PNPLA1: variants seen among roughly 807,000 people sequenced by gnomAD.
PNPLA1 encodes the protein patatin like domain 1, omega-hydroxyceramide transacylase.
In PNPLA1, 36 loss-of-function variants were observed where a neutral mutation model predicts 51.7. The ratio of observed to expected loss-of-function variants is 0.70; its 90% CI spans 0.53 to 0.92. The LOEUF (loss-of-function observed/expected upper bound fraction) is 0.92, where lower values mean the gene tolerates loss of function less well. PNPLA1 is among the 40% of genes least tolerant of loss of function. PNPLA1 has a pLI of 0.00. For missense variants in PNPLA1, 658 were observed against 682.5 expected (o/e 0.96, Z 0.40); for synonymous variants, 293 against 280.1 (o/e 1.05, Z -0.46).
At chr6:36,286,886 A>G (rs1770506031) in intron 1 of PNPLA1, among the ~76,000 whole-genome samples, 1 of 149,950 alleles carries the variant, frequency 6.7e-6, no homozygotes, top group Admixed American at 6.7e-5. Context: ...GGGTCTTGCT[A>G]TGTTGCCAGA....
chr6:36,302,251 T>C lies in PNPLA1; in HGVS notation c.1166T>C (p.Leu389Pro), dbSNP rs59882043. ...CCCAGCTCCACACCTGGTTCATCAC[T>C]GCCCACCCCACCACCTGGACTGTCA... ...KPPSSTPGSSLPTPPPGLSPL... is the reference protein window; with the variant it reads ...KPPSSTPGSSPPTPPPGLSPL... The change falls in exon 6 of 9, where the codon CTG becomes CCG. Residue 389 changes from leucine to proline, a missense_variant. Transcript: ENST00000636260. 2,618 of 1,614,146 alleles carry C rather than the reference T, an allele frequency of 1.6e-3. 35 individuals are homozygous for C. The African/African-American group carries it at 0.028, about 17-fold the overall frequency.
chr6:36,254,588 A>C (rs547589972), intron 1 of PNPLA1, among the ~76,000 whole-genome samples: 5 of 152,172 alleles, frequency 3.3e-5, no homozygotes, highest in East Asian at 3.9e-4. Context: ...CAAACAAAAA[A>C]AAAAACAAAA....
chr6:36,279,615 G>A (rs1215861687), intron 1 of PNPLA1, among the ~76,000 whole-genome samples: 1 of 152,178 alleles, frequency 6.6e-6, no homozygotes, highest in Non-Finnish European at 1.5e-5. Flanking sequence ...TTCCAACTCT[G>A]CCCCCAAGTT....
intron 1 of PNPLA1, among the ~76,000 whole-genome samples, chr6:36,255,886 G>A (rs980961523): frequency 6.6e-6 from 1 of 152,146 alleles, no homozygotes; most frequent in Non-Finnish European, 1.5e-5. Context: ...ACACTGAGGG[G>A]TCTTGCTGAA....
intron 2 of PNPLA1, among the ~76,000 whole-genome samples, chr6:36,291,790 C>T (rs1770693643): frequency 6.6e-6 from 1 of 152,228 alleles, no homozygotes; most frequent in Non-Finnish European, 1.5e-5. Flanking sequence ...TCACATCCAT[C>T]CTGCCCGGCC....
chr6:36,252,064 A>G lies in PNPLA1; in HGVS notation c.-81+8803A>G, dbSNP rs538685443. Among the ~76,000 whole-genome samples the G allele has an allele frequency of 1.5e-3, 226 of 152,328 alleles. 1 individual carries two copies. The highest frequency in any genetic ancestry group is 5.1e-3 in the African/African-American group (211 of 41,574). On this transcript the variant is annotated intron_variant, in intron 1 of 7. Transcript: ENST00000312917. ...GCAAAGGGGTGGGGAGACCCCAGGT[A>G]AGGAAGTTTGAGGCAGAACTGTCAG...
At chr6:36,263,565 A>C (rs762677331) in intron 1 of PNPLA1, among the ~76,000 whole-genome samples, 1 of 152,244 alleles carries the variant, frequency 6.6e-6, no homozygotes, top group Non-Finnish European at 1.5e-5. Flanking sequence ...TAAACACTCA[A>C]TGGGAGTGGA....
At chr6:36,306,406 T>G (rs574942304) in intron 7 of PNPLA1, 30 bp downstream of exon 7, 1 of 1,582,214 alleles carries the variant, frequency 6.3e-7, no homozygotes, top group Non-Finnish European at 8.6e-7. Flanking sequence ...AGCACGCTCT[T>G]TCCTTTGGAC....
chr6:36,311,066 G>A (rs1440797118), intron 8 of PNPLA1, among the ~76,000 whole-genome samples: 1 of 152,222 alleles, frequency 6.6e-6, no homozygotes, highest in African/African-American at 2.4e-5. Context: ...CTGCCTAGGA[G>A]CTTTTAGGAA....
chr6:36,268,864 G>T (rs188032178), upstream of PNPLA1, among the ~76,000 whole-genome samples: 1 of 152,136 alleles, frequency 6.6e-6, no homozygotes, highest in Non-Finnish European at 1.5e-5. Context: ...TCCCAGGAAG[G>T]GGGCAGGGTC....
At chr6:36,295,609 C>A (rs896026692) in intron 5 of PNPLA1, among the ~76,000 whole-genome samples, 185 bp downstream of exon 5, 3 of 152,112 alleles carry the variant, frequency 2.0e-5, no homozygotes, top group Admixed American at 1.3e-4. Context: ...ACCGCTGGGT[C>A]CAGAAAGTAG....
Position 36,270,488 on chromosome 6 carries a change from C to G in PNPLA1, c.29C>G (p.Pro10Arg). 3.2e-6 allele frequency: 5 copies of G among 1,551,414 alleles called. No individual in the cohort carries two copies. In the Middle Eastern group the frequency reaches 6.7e-4, roughly 207 times the overall value. Residue 10 changes from proline to arginine, a missense_variant, in exon 1 of 9, where the codon CCG becomes CGG. Coordinates refer to ENST00000636260, the MANE Select transcript of PNPLA1 (RefSeq NM_001374623.1). ...GAAGAACAGGTGTTCAAGGGGGACC[C>G]GGACACCCCTCACTCCATCTCCTTC... Reference protein sequence around the residue: MEEQVFKGDPDTPHSISFSG... With the variant: MEEQVFKGDRDTPHSISFSG...
intron 1 of PNPLA1, among the ~76,000 whole-genome samples, chr6:36,284,306 ATGTGGAGGAT>A (rs1316584155): frequency 2.0e-5 from 3 of 152,228 alleles, no homozygotes; most frequent in Non-Finnish European, 2.9e-5. Context: ...AAGAAGGTCT[ATGTGGAGGAT>A]TGTTATTATC....
At chr6:36,274,663 T>G (rs1770036957) in intron 1 of PNPLA1, among the ~76,000 whole-genome samples, 1 of 152,182 alleles carries the variant, frequency 6.6e-6, no homozygotes, top group Non-Finnish European at 1.5e-5. Flanking sequence ...TTGTACCAAT[T>G]TAATCACAAG....
chr6:36,282,831 C>T (rs1770361452), intron 1 of PNPLA1, among the ~76,000 whole-genome samples: 1 of 152,102 alleles, frequency 6.6e-6, no homozygotes, highest in Non-Finnish European at 1.5e-5. Flanking sequence ...ATTACAGGTG[C>T]ATCCCACCAC....
At chr6:36,277,403 T>G (rs888815677) in intron 1 of PNPLA1, among the ~76,000 whole-genome samples, 4 of 152,216 alleles carry the variant, frequency 2.6e-5, no homozygotes, top group African/African-American at 9.6e-5. Flanking sequence ...GACTTTATTT[T>G]TGGGAGGCCA....
chr6:36,260,843 G>A (rs1488329651), intron 1 of PNPLA1, among the ~76,000 whole-genome samples: 2 of 152,108 alleles, frequency 1.3e-5, no homozygotes, highest in Non-Finnish European at 2.9e-5. Context: ...GCAGGGAGGA[G>A]GGTGCGGGCT....
chr6:36,298,274 G>A (rs981368077), intron 5 of PNPLA1, among the ~76,000 whole-genome samples: 2 of 152,074 alleles, frequency 1.3e-5, no homozygotes, highest in Non-Finnish European at 2.9e-5. Context: ...TTCAGATTTG[G>A]GCTATTATGG....
intron 1 of PNPLA1, among the ~76,000 whole-genome samples, chr6:36,272,131 T>C (rs1036849173): frequency 3.3e-5 from 5 of 152,190 alleles, no homozygotes; most frequent in African/African-American, 9.7e-5. Context: ...CATTATGTTT[T>C]AATATATAAT....
Sources: gnomAD v4.1 joint callset for allele counts (sites outside exome capture counted in the v4.1 genomes callset) on GRCh38, gnomAD v4.1.1 for gene constraint, MANE v1.5 for transcripts, NCBI Gene and HGNC (gene_info 2026-07-23, HGNC 2026-07-21) for gene names.